The following OVCH1 variants were observed in gnomAD, a reference collection of about 807,000 sequenced individuals.
OVCH1 encodes the protein ovochymase 1, also known as ovochymase-1.
Under a neutral mutation model 138.4 loss-of-function variants are expected in OVCH1, and 139 were observed. The ratio of observed to expected loss-of-function variants is 1.00; its 90% CI spans 0.87 to 1.16. The LOEUF (loss-of-function observed/expected upper bound fraction) is 1.16. Among genes scored for constraint, OVCH1 ranks in the 50% most tolerant of loss-of-function variants. The probability of loss-of-function intolerance (pLI) is 0.00; values close to 1 mark genes in which losing one functional copy is unlikely to be tolerated. For synonymous variants in OVCH1, 453 were observed against 467.8 expected, an observed-to-expected ratio of 0.97 and a Z score of 0.41; for missense variants, 1,367 against 1,357.9, an observed-to-expected ratio of 1.01 and a Z score of -0.11.
intron 16 of OVCH1, 65 bp downstream of exon 16, chr12:29,471,737 G>A: frequency 6.8e-7 from 1 of 1,471,982 alleles, no homozygotes; most frequent in Non-Finnish European, 9.1e-7. Flanking sequence ...AGTCAGCCTT[G>A]TGTCCTAGGC....
intron 3 of OVCH1, among the ~76,000 whole-genome samples, chr12:29,421,508 CATA>C (rs2135886242): frequency 6.6e-6 from 1 of 152,150 alleles, no homozygotes; most frequent in African/African-American, 2.4e-5. Context: ...ATACTCAAAA[CATA>C]AAACTGATTT....
intron 21 of OVCH1, among the ~76,000 whole-genome samples, chr12:29,453,948 A>G (rs551669843): frequency 4.3e-4 from 66 of 152,228 alleles, no homozygotes; most frequent in Admixed American, 2.0e-4. Flanking sequence ...TTCTCGAGAA[A>G]TATGTCATCC....
intron 3 of OVCH1, among the ~76,000 whole-genome samples, chr12:29,417,611 T>A (rs1296019728): frequency 2.0e-5 from 3 of 152,132 alleles, no homozygotes; most frequent in African/African-American, 7.2e-5. Flanking sequence ...GTACTATTTC[T>A]TAAACTGCAT....
At position 29,451,541 on chromosome 12, in the gene OVCH1, C is replaced by G. The variant is rs1305268113; in HGVS notation, c.2559G>C (p.Lys853Asn). The change falls in exon 22 of 28, where the codon AAG becomes AAC. Residue 853 changes from lysine (K) to asparagine (N), a missense_variant. Transcript: ENST00000318184. ...GTGGTGTGGGAAAAAAGCCTCTAGGCTTTTCTAGCTCTGCTTCAGAGCAAC... is the reference window on the plus strand; with the variant it reads ...GTGGTGTGGGAAAAAAGCCTCTAGGGTTTTCTAGCTCTGCTTCAGAGCAAC... 1.9e-5 allele frequency: 30 copies of G among 1,612,052 alleles called. No homozygotes were observed. The highest frequency in any genetic ancestry group is 2.3e-5 in the Non-Finnish European group (27 of 1,179,080).
In OVCH1 at chr12:29,475,125, G is replaced by C. The variant is rs748717076; in HGVS notation, c.1536C>G (p.Tyr512Ter). ...AACGATTTTTACCATCACTTTTAAAGTATATCACCGTCATGTTACTAGAAC... is the reference window on the plus strand; with the variant it reads ...AACGATTTTTACCATCACTTTTAAACTATATCACCGTCATGTTACTAGAAC... The change falls in exon 14 of 28, where the codon TAC (tyrosine) becomes TAG (stop). Residue 512 changes from tyrosine to a stop codon, truncating the protein, a stop_gained. Transcript: ENST00000318184. LOFTEE classifies it high-confidence loss of function. The C allele has an allele frequency of 1.3e-6, 2 of 1,567,600 alleles. No individual in the cohort carries two copies. Among genetic ancestry groups the C allele is most frequent in the South Asian group, 1.2e-5 (1 of 85,012 alleles).
At chr12:29,426,777 A>G (rs573844997), downstream of OVCH1, among the ~76,000 whole-genome samples, 3 of 152,216 alleles carry the variant, frequency 2.0e-5, no homozygotes, top group Admixed American at 2.0e-4. Flanking sequence ...CTAAAGCAAC[A>G]TCATCTATTG....
intron 12 of OVCH1, 70 bp downstream of exon 12, chr12:29,477,032 A>G (rs1942760094): frequency 1.4e-6 from 2 of 1,429,262 alleles, no homozygotes; most frequent in Admixed American, 5.7e-5. Context: ...AACAATCCAG[A>G]TGAATTAAGT....
chr12:29,472,032 C>A (rs1942529445), intron 15 of OVCH1, 50 bp from the exon 16 acceptor site: 2 of 1,506,420 alleles, frequency 1.3e-6, no homozygotes, highest in Non-Finnish European at 1.8e-6. Context: ...TAATTTAGAA[C>A]ATACTCCTCC....
At chr12:29,484,689 A>G (rs1264141964) in intron 8 of OVCH1, among the ~76,000 whole-genome samples, 24 bp downstream of exon 9, 1 of 152,162 alleles carries the variant, frequency 6.6e-6, no homozygotes, top group Non-Finnish European at 1.5e-5. Context: ...AGCCCCAGAA[A>G]TCATTCCTAT....
At chr12:29,433,807 TATC>T in exon 27 of OVCH1, 1 of 1,408,018 alleles carries the variant, frequency 7.1e-7, no homozygotes, top group Non-Finnish European at 9.5e-7. Context: ...CTTCTTACAT[TATC>T]ATACTAAAAT....
intron 25 of OVCH1, chr12:29,440,682 G>A: frequency 2.2e-6 from 1 of 455,314 alleles, no homozygotes; most frequent in Non-Finnish European, 4.4e-6. Flanking sequence ...ACAAGAAGCT[G>A]TGGTCTTCTT....
chr12:29,411,298 C>G (rs187707286), downstream of OVCH1, among the ~76,000 whole-genome samples: 3 of 149,940 alleles, frequency 2.0e-5, no homozygotes, highest in African/African-American at 7.3e-5. Flanking sequence ...CTTCTACTCT[C>G]AACTCGTCAA....
At chr12:29,413,122 A>G (rs903716458) in intron 3 of OVCH1, among the ~76,000 whole-genome samples, 13 of 151,716 alleles carry the variant, frequency 8.6e-5, no homozygotes, top group African/African-American at 1.2e-4. Context: ...TCAGCCTCCC[A>G]AAGTGTTGAG....
At position 29,444,330 on chromosome 12, in the gene OVCH1, G is replaced by A. The variant is rs375900096; in HGVS notation, c.2882-50C>T. On this transcript the variant is annotated intron_variant, in intron 23 of 27. Transcript: ENST00000318184. ...ATGAGAATAAAACCAATTTTTAACA[G>A]GCTTCCTATATGCCTTTTCAGATCA... is the stretch of plus-strand genomic sequence containing the variant. 167 of 1,562,442 alleles carry A rather than the reference G, an allele frequency of 1.1e-4. No homozygotes were observed. The Middle Eastern group carries it at 1.2e-3, about 11-fold the overall frequency.
At chr12:29,490,965 A>T in intron 5 of OVCH1, 132 bp downstream of exon 5, 2 of 728,610 alleles carry the variant, frequency 2.7e-6, no homozygotes, top group South Asian at 3.8e-5. Context: ...GGACTACCAG[A>T]AATCTTCGTT....
intron 22 of OVCH1, among the ~76,000 whole-genome samples, chr12:29,450,946 C>T (rs1941772281): frequency 7.4e-6 from 1 of 135,094 alleles, no homozygotes; most frequent in Non-Finnish European, 1.5e-5. Flanking sequence ...TGTTCTCACT[C>T]ATAAGTGGGA....
At chr12:29,459,830 T>A (rs1158497378) in intron 19 of OVCH1, among the ~76,000 whole-genome samples, 2 of 152,118 alleles carry the variant, frequency 1.3e-5, no homozygotes, top group Non-Finnish European at 2.9e-5. Flanking sequence ...TAGCAAAGAA[T>A]AACAGGATAC....
chr12:29,443,686 A>G (rs908546977), intron 24 of OVCH1, among the ~76,000 whole-genome samples, 186 bp from the exon 25 acceptor site: 2 of 152,126 alleles, frequency 1.3e-5, no homozygotes, highest in Admixed American at 1.3e-4. Context: ...ATTATCTAAT[A>G]CGTAATTTGC....
rs1007373448 is a variant in OVCH1, at chr12:29,439,256, C to T, written c.3264+72G>A. 7.7e-6 allele frequency: 10 copies of T among 1,291,000 alleles called. No homozygotes were observed. In the African/African-American group the frequency reaches 1.1e-4, roughly 14 times the overall value. The allele number at this position is 1,291,000 out of a possible 1,614,324, so 80.0% of individuals were successfully genotyped here. A position where few individuals can be genotyped will look rare whatever the true frequency, so the allele number is the denominator to read the frequency against. ...GTCCTTTTCCTTTATTTTGTCACTT[C>T]TCTTATTTATTGTTCTTTTTGTTAA... On this transcript the variant is annotated intron_variant, in intron 26 of 27. Transcript: ENST00000318184.
Sources: allele counts gnomAD v4.1 joint callset (sites outside exome capture counted in the v4.1 genomes callset), GRCh38; gene constraint gnomAD v4.1.1; transcripts MANE v1.5; gene names NCBI Gene and HGNC (gene_info 2026-07-23, HGNC 2026-07-21).